SOS2: variants seen among roughly 807,000 people sequenced by gnomAD.
SOS2 encodes the protein son of sevenless homolog 2.
Under a neutral mutation model 148.2 loss-of-function variants are expected in SOS2, and 65 were observed. The ratio of observed to expected loss-of-function variants is 0.44; its 90% CI spans 0.36 to 0.54. The LOEUF (loss-of-function observed/expected upper bound fraction) is 0.54, where lower values mean the gene tolerates loss of function less well. SOS2 is among the 20% of genes least tolerant of loss of function. SOS2 has a pLI of 0.00. For missense variants in SOS2, 1,341 were observed against 1,590.2 expected (o/e 0.84, Z 2.67); for synonymous variants, 539 against 537.1 (o/e 1.00, Z -0.05).
intron 8 of SOS2, among the ~76,000 whole-genome samples, chr14:50,169,372 C>A (rs1429162384): frequency 6.6e-6 from 1 of 151,224 alleles, no homozygotes; most frequent in African/African-American, 2.4e-5. Context: ...CAGTGGCTCA[C>A]ACCTGCAATC....
chr14:50,179,751 A>G (rs1350289743), intron 7 of SOS2, among the ~76,000 whole-genome samples: 2 of 152,222 alleles, frequency 1.3e-5, no homozygotes, highest in Non-Finnish European at 2.9e-5. Flanking sequence ...GTGTTGAGAT[A>G]GTAAAAATAA....
chr14:50,187,643 C>G (rs1885959923), intron 5 of SOS2, among the ~76,000 whole-genome samples: 1 of 152,020 alleles, frequency 6.6e-6, no homozygotes, highest in Non-Finnish European at 1.5e-5. Flanking sequence ...GCCACTGCAC[C>G]CGGTCAAGAC....
rs540984149 is a variant in SOS2 at position 50,186,048 on chromosome 14, C to T, written c.714+2449G>A. Among the ~76,000 whole-genome samples the T allele has an allele frequency of 3.9e-5, 6 of 152,140 alleles. No individual in the cohort carries two copies. The South Asian group carries it at 8.3e-4, about 21-fold the overall frequency. On this transcript the variant is annotated intron_variant, in intron 5 of 22. Coordinates refer to ENST00000216373, the MANE Select transcript of SOS2 (RefSeq NM_006939.4). The stretch of plus-strand genomic sequence containing the variant: ...GCACATATTAGGCCTTCCAGAAATG[C>T]GAGCTTTTTGAAAACATAGGATGAG...
chr14:50,216,455 T>C (rs928198330), intron 1 of SOS2, among the ~76,000 whole-genome samples: 3 of 152,048 alleles, frequency 2.0e-5, no homozygotes, highest in African/African-American at 7.2e-5. Context: ...TTGAAGTATA[T>C]ATACTAAAAC....
chr14:50,169,379 A>C (rs1885285113), intron 8 of SOS2, among the ~76,000 whole-genome samples: 1 of 151,084 alleles, frequency 6.6e-6, no homozygotes, highest in African/African-American at 2.4e-5. Flanking sequence ...TCACACCTGC[A>C]ATCCCAGCAC....
At chr14:50,171,754 T>C (rs978675605) in intron 8 of SOS2, among the ~76,000 whole-genome samples, 1 of 151,390 alleles carries the variant, frequency 6.6e-6, no homozygotes, top group African/African-American at 2.4e-5. Context: ...AAATATGGTA[T>C]AACACACCAA....
intron 18 of SOS2, among the ~76,000 whole-genome samples, chr14:50,137,268 G>C (rs17776763): frequency 6.6e-6 from 1 of 152,114 alleles, no homozygotes; most frequent in Admixed American, 6.6e-5. Context: ...CAGGATGTTA[G>C]AAAAATCATC....
intron 21 of SOS2, among the ~76,000 whole-genome samples, chr14:50,122,601 T>A (rs1048986058): frequency 6.6e-6 from 1 of 151,986 alleles, no homozygotes; most frequent in East Asian, 1.9e-4. Flanking sequence ...TGGAAGCAGA[T>A]GATATGTGAA....
intron 7 of SOS2, among the ~76,000 whole-genome samples, chr14:50,178,988 C>T (rs1242515459): frequency 2.6e-5 from 4 of 152,040 alleles, no homozygotes; most frequent in Non-Finnish European, 5.9e-5. Flanking sequence ...GATCCACCCA[C>T]CTCAGCCTCC....
At chr14:50,142,074 C>G (rs1230754728) in intron 16 of SOS2, among the ~76,000 whole-genome samples, 2 of 149,990 alleles carry the variant, frequency 1.3e-5, no homozygotes, top group Admixed American at 6.7e-5. Flanking sequence ...GTGGTGCGAT[C>G]TCGGCTCACT....
rs758087053 is a variant in SOS2 at position 50,120,334 on chromosome 14, G to A, written c.3430C>T (p.Leu1144=). The A allele has an allele frequency of 1.2e-6, 2 of 1,609,004 alleles. No individual in the cohort carries two copies. Among genetic ancestry groups the A allele is most frequent in the African/African-American group, 1.3e-5 (1 of 74,710 alleles). Residue 1144 remains leucine (L), a synonymous_variant, in exon 22 of 23, where the codon CTG becomes TTG. Coordinates refer to ENST00000216373, the MANE Select transcript of SOS2 (RefSeq NM_006939.4). ...CGAGGAGGAAGAGGAGGAGGAATCAGGGGCTCTTCACTTAGTTTATGTAAA... is the reference window on the plus strand; with the variant it reads ...CGAGGAGGAAGAGGAGGAGGAATCAAGGGCTCTTCACTTAGTTTATGTAAA... The part of the protein sequence containing the change: ...GSLHKLSEEP[L]IPPPLPPRKK...
At chr14:50,157,260 AC>A in intron 11 of SOS2, 139 bp from the exon 12 acceptor site, 3 of 836,524 alleles carry the variant, frequency 3.6e-6, no homozygotes, top group Non-Finnish European at 5.2e-6. Context: ...ATGATATACT[AC>A]AAAAAACTGT....
intron 6 of SOS2, 135 bp from the exon 7 acceptor site, chr14:50,180,817 C>A: frequency 1.2e-5 from 6 of 486,820 alleles, no homozygotes; most frequent in South Asian, 3.5e-5. Flanking sequence ...TATTCCAGCT[C>A]GAGCAACAGA....
chr14:50,153,757 C>T (rs140042959), intron 12 of SOS2, among the ~76,000 whole-genome samples: 5 of 152,250 alleles, frequency 3.3e-5, no homozygotes, highest in South Asian at 2.1e-4. Context: ...GGATTATAGA[C>T]GCCCGCCACC....
chr14:50,134,172 T>C lies in SOS2; in HGVS notation c.3026A>G (p.Asn1009Ser), dbSNP rs779413196. The C allele has an allele frequency of 5.0e-6, 8 of 1,609,936 alleles. No individual in the cohort carries two copies. Among genetic ancestry groups the C allele is most frequent in the African/African-American group, 2.7e-5 (2 of 74,976 alleles). The change falls in exon 19 of 23, where the codon AAC becomes AGC. Residue 1009 changes from asparagine to serine, a missense_variant. By Grantham distance (46) the Asn-to-Ser change is conservative (BLOSUM62 1). Around this residue, in one of 4 missense-constraint regions of SOS2, gnomAD observed 408 missense variants for 506.6 expected, o/e 0.81. Coordinates refer to ENST00000216373, the MANE Select transcript of SOS2 (RefSeq NM_006939.4). ...TCGAGGTTCAATTTCTAGTGACTTG[T>C]TGAACAAATAATCTGTAAACTCTTT... ...SEKEFTDYLF[N>S]KSLEIEPRNC...
chr14:50,222,861 T>C (rs1487095375), intron 1 of SOS2, among the ~76,000 whole-genome samples: 1 of 152,010 alleles, frequency 6.6e-6, no homozygotes, highest in Non-Finnish European at 1.5e-5. Flanking sequence ...AACAAAGGAG[T>C]GAAATGATCT....
chr14:50,178,647 AGTGTGTGT>A (rs1291991897), intron 7 of SOS2, among the ~76,000 whole-genome samples: 3 of 89,218 alleles, frequency 3.4e-5, no homozygotes, highest in Admixed American at 1.3e-4. Flanking sequence ...CATGCCCGCT[AGTGTGTGT>A]GTGTGTGTGT....
At chr14:50,156,927 G>T in intron 12 of SOS2, 72 bp downstream of exon 12, 2 of 880,902 alleles carry the variant, frequency 2.3e-6, no homozygotes, top group Non-Finnish European at 3.4e-6. Flanking sequence ...ATTGAAAACT[G>T]ACACATAAAA....
At chr14:50,137,286 A>C (rs1395668404) in intron 18 of SOS2, among the ~76,000 whole-genome samples, 1 of 152,214 alleles carries the variant, frequency 6.6e-6, no homozygotes, top group South Asian at 2.1e-4. Context: ...ATCTTCTGCC[A>C]GGCATACATA....
Sources: gnomAD v4.1 joint callset for allele counts (sites outside exome capture counted in the v4.1 genomes callset) on GRCh38, gnomAD v4.1.1 for gene constraint, gnomAD v4.1.1 regional missense constraint, MANE v1.5 for transcripts, NCBI Gene and HGNC (gene_info 2026-07-23, HGNC 2026-07-21) for gene names.